The following KRT15 variants were observed in gnomAD, a reference collection of about 807,000 sequenced individuals.
The protein encoded by KRT15 is keratin, type I cytoskeletal 15.
In KRT15, 45 loss-of-function variants were observed where a neutral mutation model predicts 46.6. The observed-to-expected ratio is 0.97, with a 90% CI of 0.76 to 1.24. KRT15 has a LOEUF of 1.24. Among genes scored for constraint, KRT15 ranks in the 50% most tolerant of loss-of-function variants. The pLI is 0.00. For missense variants in KRT15, 592 were observed against 588.9 expected, an observed-to-expected ratio of 1.01 and a Z score of -0.05; for synonymous variants, 221 against 233.8, an observed-to-expected ratio of 0.95 and a Z score of 0.50.
At position 41,515,537 on chromosome 17, in the gene KRT15, G is replaced by A. The variant is rs1905312309; in HGVS notation, c.1182C>T (p.Asp394=). ...TCTCCTGCTCCAGCCGTGTCTTTAT[G>A]TCAAGCAGCATCTTGTACTCCTGGT... is the stretch of plus-strand genomic sequence containing the variant. ...AQNQEYKMLL[D]IKTRLEQEIA... The change falls in exon 6 of 8, where the codon GAC becomes GAT. Residue 394 remains aspartate, a synonymous_variant. Coordinates refer to ENST00000254043, the MANE Select transcript of KRT15 (RefSeq NM_002275.4). 9 of 1,613,984 alleles carry A rather than the reference G, an allele frequency of 5.6e-6. No individual in the cohort carries two copies. Among genetic ancestry groups the A allele is most frequent in the Non-Finnish European group, 7.6e-6 (9 of 1,180,054 alleles).
rs147124537 is a variant in KRT15 at position 41,518,734 on chromosome 17, C to A, written c.94G>T (p.Gly32Trp). The A allele has an allele frequency of 5.9e-4, 943 of 1,609,364 alleles. 3 individuals carry two copies. Among genetic ancestry groups the A allele is most frequent in the South Asian group, 1.5e-3 (136 of 90,582 alleles). The part of the protein sequence containing the change: ...SLLAGGGGFG[G>W]GSLSGGGGSR... ...CCACCTCCCCCAGAGAGACTCCCCCCACCAAAGCCACCTCCCCCAGCCAGG... is the reference window on the plus strand; with the variant it reads ...CCACCTCCCCCAGAGAGACTCCCCCAACCAAAGCCACCTCCCCCAGCCAGG... Residue 32 changes from glycine (G) to tryptophan (W), a missense_variant, in exon 1 of 8, where the codon GGG becomes TGG. By Grantham distance (184) the Gly-to-Trp change is radical. Coordinates refer to ENST00000254043, the MANE Select transcript of KRT15 (RefSeq NM_002275.4).
At position 41,516,309 on chromosome 17, in the gene KRT15, G is replaced by A. The variant is rs373218311; in HGVS notation, c.739-44C>T. ...CCACTTAGAGACGGAGAGCAGAAGA[G>A]AGACCTGAGAGTCTGGCGTCACACA... On this transcript the variant is annotated intron_variant, in intron 3 of 7. Transcript: ENST00000254043. 17 of 1,577,946 alleles carry A rather than the reference G, an allele frequency of 1.1e-5. No homozygotes were observed. In the African/African-American group the frequency reaches 1.9e-4, roughly 18 times the overall value.
At position 41,516,233 on chromosome 17, in the gene KRT15, G is replaced by C; in HGVS notation, c.771C>G (p.Gly257=). ...EMKEFSSQLA[G]QVNVEMDAAP... is the part of the protein sequence containing the mutation. ...CTGCGTCCATCTCCACATTGACCTG[G>C]CCGGCCAGCTGGCTGCTGAACTCCT... Residue 257 remains glycine, a synonymous_variant, in exon 4 of 8, where the codon GGC becomes GGG. Transcript: ENST00000254043. The C allele has an allele frequency of 1.2e-6, 2 of 1,613,960 alleles. No homozygotes were observed. Among genetic ancestry groups the C allele is most frequent in the South Asian group, 1.1e-5 (1 of 91,080 alleles).
At chr17:41,514,775 AC>A in intron 6 of KRT15, 101 bp from the exon 7 acceptor site, 2 of 1,204,098 alleles carry the variant, frequency 1.7e-6, no homozygotes, top group Non-Finnish European at 2.4e-6. Flanking sequence ...CAGACCCTAC[AC>A]CACCACCACC....
In KRT15 at chr17:41,518,746, C is replaced by A. The variant is rs1905536375; in HGVS notation, c.82G>T (p.Gly28Cys). Residue 28 changes from glycine (G) to cysteine (C), a missense_variant, in exon 1 of 8, where the codon GGT (glycine) becomes TGT (cysteine). Transcript: ENST00000254043. ...GAGAGACTCCCCCCACCAAAGCCAC[C>A]TCCCCCAGCCAGGAGGGAACCCCCT... ...TRGGSLLAGG[G>C]GFGGGSLSGG... is the part of the protein sequence containing the mutation. 7 of 1,602,942 alleles carry A rather than the reference C, an allele frequency of 4.4e-6. No individual in the cohort carries two copies. The highest frequency in any genetic ancestry group is 6.0e-6 in the Non-Finnish European group (7 of 1,175,056).
intron 1 of KRT15, chr17:41,517,458 C>T (rs768661670): frequency 4.8e-4 from 205 of 431,504 alleles, no homozygotes; most frequent in Non-Finnish European, 8.1e-4. Flanking sequence ...AATTGGTTGC[C>T]CAGGAGAGTG....
intron 1 of KRT15, chr17:41,517,384 C>A (rs1222268432): frequency 8.8e-6 from 5 of 566,926 alleles, no homozygotes; most frequent in Non-Finnish European, 1.6e-5. Flanking sequence ...CCTTGAGACA[C>A]CTGAGGAGCT....
Position 41,518,876 on chromosome 17 carries a change from G to A in KRT15, c.-49C>T, listed in dbSNP as rs1905545485. ...GTTCTCAGCAAACCCAAGAGATGCT[G>A]GCAGGAGGTACCAGGCCAGGCTGCA... is the stretch of plus-strand genomic sequence containing the variant. On this transcript the variant is annotated 5_prime_UTR_variant, in exon 1 of 8. Transcript: ENST00000254043. 2.6e-6 allele frequency: 4 copies of A among 1,518,700 alleles called. No homozygotes were observed. The highest frequency in any genetic ancestry group is 3.5e-6 in the Non-Finnish European group (4 of 1,137,454). 94.1% of individuals were successfully genotyped at this position (1,518,700 alleles called of 1,614,324 possible). A position where few individuals can be genotyped will look rare whatever the true frequency, so the allele number is the denominator to read the frequency against.
intron 6 of KRT15, chr17:41,515,069 A>C: frequency 3.5e-6 from 1 of 282,004 alleles, no homozygotes; most frequent in Non-Finnish European, 6.8e-6. Context: ...GTTTCACCAT[A>C]TTGGCCATGC....
chr17:41,517,773 C>G (rs1291503990), intron 1 of KRT15, among the ~76,000 whole-genome samples: 1 of 152,162 alleles, frequency 6.6e-6, no homozygotes, highest in Non-Finnish European at 1.5e-5. Context: ...ACAAGAGGTT[C>G]TAGCATCTGG....
chr17:41,513,782 C>T lies in KRT15; in HGVS notation c.*241G>A, dbSNP rs1905238503. 2.1e-6 allele frequency: 1 copy of T among 476,732 alleles called. No homozygotes were observed. Among genetic ancestry groups the T allele is most frequent in the Non-Finnish European group, 3.8e-6 (1 of 261,074 alleles). 29.5% of individuals were successfully genotyped at this position (476,732 alleles called of 1,614,324 possible). ...GAAAAGTAATTCTTTATTACATGAA[C>T]AGACACTGTACAAATGAGCTTGTTA... is the stretch of plus-strand genomic sequence containing the variant. On this transcript the variant is annotated 3_prime_UTR_variant, in exon 8 of 8. Coordinates refer to ENST00000254043, the MANE Select transcript of KRT15 (RefSeq NM_002275.4).
At chr17:41,516,777 G>A (rs375019972) in intron 3 of KRT15, 31 bp downstream of exon 3, 71 of 1,611,150 alleles carry the variant, frequency 4.4e-5, no homozygotes, top group Non-Finnish European at 5.8e-5. Flanking sequence ...CACCTCTCTC[G>A]GGTTCAGGGG....
rs763543001 is a variant in KRT15, at chr17:41,518,719, C to T, written c.109G>A (p.Gly37Arg). 2.2e-5 allele frequency: 36 copies of T among 1,612,316 alleles called. No individual in the cohort carries two copies. Among genetic ancestry groups the T allele is most frequent in the Non-Finnish European group, 2.9e-5 (34 of 1,178,946 alleles). The change falls in exon 1 of 8, where the codon GGG becomes AGG. Residue 37 changes from glycine (G) to arginine (R), a missense_variant. By Grantham distance (125) the Gly-to-Arg change is moderately radical. Coordinates refer to ENST00000254043, the MANE Select transcript of KRT15 (RefSeq NM_002275.4). Reference protein sequence around the residue: ...GGGFGGGSLSGGGGSRSISAS... With the variant: ...GGGFGGGSLSRGGGSRSISAS... ...GAGATACTTCGGCTTCCACCTCCCC[C>T]AGAGAGACTCCCCCCACCAAAGCCA...
Position 41,516,017 on chromosome 17 carries a change from G to C in KRT15, c.901-7C>G. ...CTTTGTTCAGCTCCTCAGTCTGTAG[G>C]TCATGCACAACAGAAGTGAGCCCCG... On this transcript the variant is annotated splice_region_variant and splice_polypyrimidine_tract_variant and intron_variant, in intron 4 of 7. Transcript: ENST00000254043. 4 of 1,614,178 alleles carry C rather than the reference G, an allele frequency of 2.5e-6. No individual in the cohort carries two copies. The highest frequency in any genetic ancestry group is 3.4e-6 in the Non-Finnish European group (4 of 1,180,030).
rs186407993 is a variant in KRT15, at chr17:41,517,809, C to A, written c.498+521G>T. Among the ~76,000 whole-genome samples the A allele has an allele frequency of 2.0e-4, 31 of 152,296 alleles. No individual in the cohort carries two copies. In the East Asian group the frequency reaches 5.8e-3, roughly 28 times the overall value. On this transcript the variant is annotated intron_variant, in intron 1 of 7. Transcript: ENST00000254043. Reference sequence around the variant, plus strand: ...AACTCATGAGGCCACACTCCAATCCCATTCTTGCAAAAGAGGTAAAGGAAT... The same window carrying A: ...AACTCATGAGGCCACACTCCAATCCAATTCTTGCAAAAGAGGTAAAGGAAT...
At chr17:41,517,959 G>T (rs1228288464) in intron 1 of KRT15, among the ~76,000 whole-genome samples, 2 of 152,108 alleles carry the variant, frequency 1.3e-5, no homozygotes, top group Non-Finnish European at 2.9e-5. Context: ...CAGTGGCACA[G>T]TCATAGCTCA....
Position 41,514,086 on chromosome 17 carries a change from G to T in KRT15, c.1308C>A (p.Phe436Leu). Residue 436 changes from phenylalanine (F) to leucine (L), a missense_variant, in exon 8 of 8, where the codon TTC (phenylalanine) becomes TTA (leucine). By Grantham distance (22) the Phe-to-Leu change is conservative. Transcript: ENST00000254043. ...CCACTGACTCTTCTACATTGATGTG[G>T]AAATTGCTGCTGCTACCACCACCTC... Reference protein sequence around the residue: ...SSGGGGSSSNFHINVEESVDG... With the variant: ...SSGGGGSSSNLHINVEESVDG... 1 of 1,614,158 alleles carries T rather than the reference G, an allele frequency of 6.2e-7. No homozygotes were observed. The highest frequency in any genetic ancestry group is 8.5e-7 in the Non-Finnish European group (1 of 1,179,976).
chr17:41,518,527 G>A lies in KRT15; in HGVS notation c.301C>T (p.Leu101Phe). 1 of 1,613,972 alleles carries A rather than the reference G, an allele frequency of 6.2e-7. No homozygotes were observed. Among genetic ancestry groups the A allele is most frequent in the Non-Finnish European group, 8.5e-7 (1 of 1,179,990 alleles). Reference protein sequence around the residue: ...GGFGGGDGGLLSGNEKITMQN... With the variant: ...GGFGGGDGGLFSGNEKITMQN... ...ATGGTAATTTTCTCATTGCCAGAGA[G>A]GAGACCACCATCGCCACCACCAAAG... is the stretch of plus-strand genomic sequence containing the variant. Residue 101 changes from leucine to phenylalanine, a missense_variant, in exon 1 of 8, where the codon CTC (leucine) becomes TTC (phenylalanine). Coordinates refer to ENST00000254043, the MANE Select transcript of KRT15 (RefSeq NM_002275.4).
In KRT15 at chr17:41,515,584, G is replaced by A. The variant is rs371742393; in HGVS notation, c.1135C>T (p.Arg379Ter). 16 of 1,614,020 alleles carry A rather than the reference G, an allele frequency of 9.9e-6. No homozygotes were observed. Among genetic ancestry groups the A allele is most frequent in the Admixed American group, 6.7e-5 (4 of 60,008 alleles). ...TGGTTCTGAGCCTCCATCTCGCATCGGAGCTCACTCAGCTGGGCCTCCAGG... is the reference window on the plus strand; with the variant it reads ...TGGTTCTGAGCCTCCATCTCGCATCAGAGCTCACTCAGCTGGGCCTCCAGG... ...GGLEAQLSEL[R>*]CEMEAQNQEY... Residue 379 changes from arginine to a stop codon, truncating the protein, a stop_gained, in exon 6 of 8, where the codon CGA becomes TGA. Transcript: ENST00000254043. LOFTEE classifies it high-confidence loss of function.
Sources: allele counts gnomAD v4.1 joint callset (sites outside exome capture counted in the v4.1 genomes callset), GRCh38; gene constraint gnomAD v4.1.1; transcripts MANE v1.5; gene names NCBI Gene and HGNC (gene_info 2026-07-23, HGNC 2026-07-21).